MAML2: variants seen among roughly 807,000 people sequenced by gnomAD.
MAML2 encodes mastermind like transcriptional coactivator 2.
A neutral mutation model predicts 96.1 loss-of-function variants in MAML2; 22 were observed. The ratio of observed to expected loss-of-function variants is 0.23; its 90% CI spans 0.16 to 0.33. The LOEUF is 0.33. Ranked by LOEUF, MAML2 falls within the 10% of genes least tolerant of loss-of-function variation. The pLI is 1.00. For synonymous variants in MAML2, 561 were observed against 521.3 expected (o/e 1.08, Z -1.04); for missense variants, 1,367 against 1,392.4 (o/e 0.98, Z 0.29).
chr11:96,008,349 C>G (rs897486105), intron 2 of MAML2, among the ~76,000 whole-genome samples: 1 of 152,130 alleles, frequency 6.6e-6, no homozygotes, highest in Non-Finnish European at 1.5e-5. Flanking sequence ...CACTGCTGAT[C>G]AGGAGAGAAT....
rs531544652 is a variant in MAML2, at chr11:96,176,999, G to T, written c.514-83482C>A. Among the ~76,000 whole-genome samples the T allele has an allele frequency of 1.3e-5, 2 of 152,274 alleles. 1 individual carries two copies. The highest frequency in any genetic ancestry group is 3.9e-4 in the East Asian group (2 of 5,184). On this transcript the variant is annotated intron_variant, in intron 1 of 4. Transcript: ENST00000524717. ...TATTTTTACCTTTGTAGGACTTAGG[G>T]TCTAATAAGGAATAAATATACCATT...
At chr11:96,059,148 T>C (rs893874624) in intron 2 of MAML2, among the ~76,000 whole-genome samples, 1 of 152,172 alleles carries the variant, frequency 6.6e-6, no homozygotes, top group Non-Finnish European at 1.5e-5. Context: ...GCAATTTACC[T>C]AGGGTAAGTT....
At chr11:96,216,164 A>G (rs529712445) in intron 1 of MAML2, among the ~76,000 whole-genome samples, 3 of 152,350 alleles carry the variant, frequency 2.0e-5, no homozygotes, top group Admixed American at 1.3e-4. Flanking sequence ...TTAAACCAGA[A>G]GAAGAAGATG....
At chr11:96,220,225 TGA>T (rs1862114652) in intron 1 of MAML2, among the ~76,000 whole-genome samples, 1 of 152,180 alleles carries the variant, frequency 6.6e-6, no homozygotes, top group South Asian at 2.1e-4. Context: ...TGTAAACAAA[TGA>T]GTGACCCTCC....
intron 1 of MAML2, among the ~76,000 whole-genome samples, chr11:96,201,894 G>A (rs1861828000): frequency 1.3e-5 from 2 of 150,954 alleles, no homozygotes; most frequent in South Asian, 4.2e-4. Flanking sequence ...ACTCCAGCCT[G>A]AGCGACAGAG....
intron 1 of MAML2, among the ~76,000 whole-genome samples, chr11:96,284,246 T>C (rs1323412142): frequency 6.6e-6 from 1 of 152,226 alleles, no homozygotes; most frequent in Non-Finnish European, 1.5e-5. Context: ...CAAAGACATA[T>C]GTGTAATTTC....
At chr11:96,180,858 T>G (rs1591058661) in intron 1 of MAML2, among the ~76,000 whole-genome samples, 1 of 151,242 alleles carries the variant, frequency 6.6e-6, no homozygotes, top group Admixed American at 6.6e-5. Context: ...GAGATAAGGG[T>G]GGGGCCGTTT....
intron 1 of MAML2, among the ~76,000 whole-genome samples, chr11:96,233,567 C>T (rs1389359307): frequency 6.6e-6 from 1 of 152,094 alleles, no homozygotes. Context: ...ACCACCACAT[C>T]CAGCTAATTT....
intron 1 of MAML2, among the ~76,000 whole-genome samples, chr11:96,246,897 C>T (rs1010103704): frequency 6.6e-6 from 1 of 152,168 alleles, no homozygotes; most frequent in African/African-American, 2.4e-5. Context: ...AGTCTCCTCA[C>T]CCTGTCTCTA....
chr11:96,215,099 A>G (rs1862029043), intron 1 of MAML2, among the ~76,000 whole-genome samples: 1 of 152,260 alleles, frequency 6.6e-6, no homozygotes, highest in Non-Finnish European at 1.5e-5. Context: ...AAAGCTGCTT[A>G]AGAAACTGCT....
intron 1 of MAML2, among the ~76,000 whole-genome samples, chr11:96,132,359 T>G (rs1057508154): frequency 2.0e-5 from 3 of 152,202 alleles, no homozygotes; most frequent in African/African-American, 4.8e-5. Context: ...GACAATAGTT[T>G]GCCAGAGTGC....
At chr11:96,256,117 A>C (rs867289868) in intron 1 of MAML2, among the ~76,000 whole-genome samples, 2 of 151,460 alleles carry the variant, frequency 1.3e-5, no homozygotes, top group South Asian at 2.1e-4. Flanking sequence ...CAGGTGATCC[A>C]CCCGCCTCGG....
chr11:96,288,085 A>C lies in MAML2; in HGVS notation c.513+53298T>G, dbSNP rs191835749. ...ATCTGAATGACAAATCTTGGAAACC[A>C]CCTGAAAAACCACAGGAAATATTCT... On this transcript the variant is annotated intron_variant, in intron 1 of 4. Transcript: ENST00000524717. 6.5e-4 allele frequency among the ~76,000 whole-genome samples: 99 copies of C among 152,330 alleles called. 1 individual carries two copies. The highest frequency in any genetic ancestry group is 8.8e-5 in the Non-Finnish European group (6 of 68,026).
chr11:96,216,454 C>T (rs552183450), intron 1 of MAML2, among the ~76,000 whole-genome samples: 1 of 152,314 alleles, frequency 6.6e-6, no homozygotes, highest in East Asian at 1.9e-4. Context: ...TACTTCACTT[C>T]TCTTGATTGC....
chr11:96,298,929 C>A (rs1214088651), intron 1 of MAML2, among the ~76,000 whole-genome samples: 2 of 145,746 alleles, frequency 1.4e-5, no homozygotes, highest in African/African-American at 5.0e-5. Flanking sequence ...CCTGTAGTCC[C>A]AGCTACTCGG....
intron 1 of MAML2, among the ~76,000 whole-genome samples, chr11:96,203,474 T>G (rs1861853843): frequency 6.6e-6 from 1 of 152,242 alleles, no homozygotes; most frequent in Admixed American, 6.5e-5. Context: ...GCTGTACATT[T>G]ATTAAGCTGT....
intron 3 of MAML2, among the ~76,000 whole-genome samples, chr11:95,988,171 G>T (rs1857858398): frequency 6.6e-6 from 1 of 151,808 alleles, no homozygotes; most frequent in African/African-American, 2.4e-5. Context: ...GAGAAAGAGA[G>T]AGATAAAGAG....
chr11:96,241,289 C>T (rs1862434784), intron 1 of MAML2, among the ~76,000 whole-genome samples: 1 of 152,178 alleles, frequency 6.6e-6, no homozygotes, highest in Non-Finnish European at 1.5e-5. Context: ...CTTTTATTTC[C>T]TACTAGGTGG....
At chr11:96,038,423 A>T (rs1026178542) in intron 2 of MAML2, among the ~76,000 whole-genome samples, 1 of 152,228 alleles carries the variant, frequency 6.6e-6, no homozygotes, top group Admixed American at 6.5e-5. Context: ...TGTTGATCTA[A>T]GGAAAAACGC....
Sources: gnomAD v4.1 joint callset for allele counts (sites outside exome capture counted in the v4.1 genomes callset) on GRCh38, gnomAD v4.1.1 for gene constraint, MANE v1.5 for transcripts, NCBI Gene and HGNC (gene_info 2026-07-23, HGNC 2026-07-21) for gene names.